Variants in CHEK2 observed in about 807,000 individuals in gnomAD.
CHEK2 encodes the protein serine/threonine-protein kinase Chk2.
Under a neutral mutation model 69.1 loss-of-function variants are expected in CHEK2, and 71 were observed. The ratio of observed to expected loss-of-function variants is 1.03; its 90% confidence interval spans 0.85 to 1.25. CHEK2 has a LOEUF of 1.25. Ranked by LOEUF, CHEK2 falls within the 50% of genes most tolerant of loss-of-function variation. The probability of loss-of-function intolerance (pLI) is 0.00; values close to 1 mark genes in which losing one functional copy is unlikely to be tolerated. For missense variants in CHEK2, 664 were observed against 649.6 expected (o/e 1.02, Z -0.24); for synonymous variants, 189 against 226.9 (o/e 0.83, Z 1.50).
At chr22:28,731,727 C>G (rs2054223196) in intron 2 of CHEK2, among the ~76,000 whole-genome samples, 1 of 151,996 alleles carries the variant, frequency 6.6e-6, no homozygotes, top group African/African-American at 2.4e-5. Context: ...TGGGGTCTCG[C>G]TATATTGCCC....
chr22:28,700,211 CTTTTTTTTTT>C (rs1188199517), intron 8 of CHEK2, among the ~76,000 whole-genome samples: 2 of 128,030 alleles, frequency 1.6e-5, no homozygotes, highest in Admixed American at 7.9e-5. Context: ...CCAGGAGTTG[CTTTTTTTTTT>C]TTTTTTTTGA....
chr22:28,719,171 G>A (rs892585847), intron 5 of CHEK2, among the ~76,000 whole-genome samples: 4 of 151,874 alleles, frequency 2.6e-5, no homozygotes, highest in African/African-American at 9.7e-5. Flanking sequence ...CCTCCAGCCT[G>A]GGTAACAGAG....
chr22:28,716,451 C>T (rs1433033958), intron 5 of CHEK2, among the ~76,000 whole-genome samples: 1 of 152,110 alleles, frequency 6.6e-6, no homozygotes, highest in African/African-American at 2.4e-5. Flanking sequence ...CCCGCCTCAG[C>T]CTCCCAAAGT....
chr22:28,717,145 G>A (rs554375636), intron 5 of CHEK2, among the ~76,000 whole-genome samples: 194 of 151,712 alleles, frequency 1.3e-3, no homozygotes, highest in Non-Finnish European at 2.1e-3. Context: ...TTGGGGGACC[G>A]AGGCAGGCGG....
intron 7 of CHEK2, among the ~76,000 whole-genome samples, chr22:28,705,534 C>T (rs548254491): frequency 1.3e-5 from 2 of 152,244 alleles, no homozygotes; most frequent in Admixed American, 6.5e-5. Flanking sequence ...TGGTCCCAGG[C>T]GTTTTGGATA....
At chr22:28,702,308 A>C (rs541346367) in intron 8 of CHEK2, among the ~76,000 whole-genome samples, 1 of 150,550 alleles carries the variant, frequency 6.6e-6, no homozygotes, top group African/African-American at 2.4e-5. Flanking sequence ...GCGCGATCTC[A>C]GCTCATTGCA....
At chr22:28,689,887 T>C (rs1265097312) in intron 13 of CHEK2, among the ~76,000 whole-genome samples, 1 of 152,182 alleles carries the variant, frequency 6.6e-6, no homozygotes, top group African/African-American at 2.4e-5. Context: ...TGCTCACTTC[T>C]GCAGGGTTCG....
intron 2 of CHEK2, chr22:28,730,595 T>TAA: frequency 1.5e-6 from 1 of 656,750 alleles, no homozygotes; most frequent in African/African-American, 1.8e-5. Context: ...CGGTGGCTCA[T>TAA]GCCTGTAATC....
intron 8 of CHEK2, 105 bp from the exon 9 acceptor site, chr22:28,700,042 G>T: frequency 1.3e-6 from 1 of 748,948 alleles, no homozygotes; most frequent in South Asian, 1.7e-5. Flanking sequence ...GCAAACAGTT[G>T]ACATTTTTAT....
intron 2 of CHEK2, among the ~76,000 whole-genome samples, chr22:28,727,735 G>A (rs2054061628): frequency 6.6e-6 from 1 of 152,126 alleles, no homozygotes; most frequent in Admixed American, 6.6e-5. Context: ...AAATACAGCT[G>A]GCTCAAACAT....
At chr22:28,738,646 G>A (rs2054480619) in intron 1 of CHEK2, among the ~76,000 whole-genome samples, 1 of 152,202 alleles carries the variant, frequency 6.6e-6, no homozygotes. Context: ...CTCCAGGACT[G>A]TAGACAGAAA....
intron 7 of CHEK2, 63 bp downstream of exon 7, chr22:28,709,943 T>C (rs1227578781): frequency 1.5e-5 from 15 of 988,588 alleles, no homozygotes; most frequent in Non-Finnish European, 2.4e-5. Flanking sequence ...ACTGAAAGGC[T>C]TTATACTCTT....
At chr22:28,707,830 CTTTT>C (rs11453597) in intron 7 of CHEK2, among the ~76,000 whole-genome samples, 1 of 102,464 alleles carries the variant, frequency 9.8e-6, no homozygotes, top group African/African-American at 3.7e-5. Flanking sequence ...TTGTGTTTAT[CTTTT>C]TTTTTTTTTT....
intron 1 of CHEK2, among the ~76,000 whole-genome samples, chr22:28,736,213 T>C (rs952513600): frequency 3.9e-5 from 6 of 152,192 alleles, no homozygotes; most frequent in African/African-American, 1.4e-4. Flanking sequence ...CATAATGCCA[T>C]TGAAAGTTGA....
intron 7 of CHEK2, chr22:28,709,076 G>A: frequency 4.3e-6 from 1 of 232,850 alleles, no homozygotes; most frequent in South Asian, 4.2e-5. Flanking sequence ...GCCTTCATGG[G>A]CACTTATGAA....
chr22:28,714,107 C>G (rs2053506776), intron 5 of CHEK2, among the ~76,000 whole-genome samples: 1 of 152,162 alleles, frequency 6.6e-6, no homozygotes, highest in Non-Finnish European at 1.5e-5. Context: ...CCCCATAGAG[C>G]TCAGATGTTT....
At chr22:28,736,430 ACC>A (rs1270427647) in intron 1 of CHEK2, among the ~76,000 whole-genome samples, 4 of 152,168 alleles carry the variant, frequency 2.6e-5, no homozygotes, top group Admixed American at 6.6e-5. Flanking sequence ...ACACCTAAGG[ACC>A]CAGTGACTTA....
In CHEK2 at chr22:28,734,490, G is replaced by A. The variant is rs1555932341; in HGVS notation, c.232C>T (p.Gln78Ter). ...TCAGGTTCTTGGTCCTCAGGTTCTT[G>A]GTCCTCAGGAATAGAATAGAGTTCC... is the stretch of plus-strand genomic sequence containing the variant. ...TQELYSIPED[Q>*]EPEDQEPEEP... Residue 78 changes from glutamine (Q) to a stop codon, truncating the protein, a stop_gained, in exon 2 of 15, where the codon CAA (glutamine) becomes TAA (stop). Transcript: ENST00000404276. LOFTEE classifies it high-confidence loss of function. 1 of 1,613,814 alleles carries A rather than the reference G, an allele frequency of 6.2e-7. No homozygotes were observed.
chr22:28,693,925 G>A, intron 13 of CHEK2, 107 bp downstream of exon 13: 1 of 792,236 alleles, frequency 1.3e-6, no homozygotes, highest in South Asian at 1.3e-5. Flanking sequence ...AAAACAATTA[G>A]ATTAAACACT....
Sources: allele counts gnomAD v4.1 joint callset (sites outside exome capture counted in the v4.1 genomes callset), GRCh38; gene constraint gnomAD v4.1.1; transcripts MANE v1.5; gene names NCBI Gene and HGNC (gene_info 2026-07-23, HGNC 2026-07-21).